SPAG16: variants seen among roughly 807,000 people sequenced by gnomAD.
SPAG16 encodes the protein sperm-associated antigen 16 protein.
A neutral mutation model predicts 80.4 loss-of-function variants in SPAG16; 86 were observed. The ratio of observed to expected loss-of-function variants is 1.07; its 90% CI spans 0.90 to 1.28. The LOEUF is 1.28. SPAG16 is among the 50% of genes most tolerant of loss of function. SPAG16 has a pLI of 0.00. For synonymous variants in SPAG16, 294 were observed against 265.9 expected (o/e 1.11, Z -1.03); for missense variants, 870 against 765.3 (o/e 1.14, Z -1.61).
chr2:213,856,732 G>A (rs986879054), intron 10 of SPAG16, among the ~76,000 whole-genome samples: 7 of 152,192 alleles, frequency 4.6e-5, no homozygotes, highest in Admixed American at 2.6e-4. Flanking sequence ...GTCATTGCTG[G>A]GATGCAGGGC....
At chr2:213,551,872 A>G (rs2076789809) in intron 10 of SPAG16, among the ~76,000 whole-genome samples, 1 of 152,182 alleles carries the variant, frequency 6.6e-6, no homozygotes, top group African/African-American at 2.4e-5. Flanking sequence ...CTGTCAGGTA[A>G]TAGATGAAGA....
chr2:214,192,310 T>A (rs907120483), intron 15 of SPAG16, among the ~76,000 whole-genome samples: 1 of 152,154 alleles, frequency 6.6e-6, no homozygotes, highest in Non-Finnish European at 1.5e-5. Context: ...GTTTCTTTTT[T>A]CCTGATGCCT....
rs181381782 is a variant in SPAG16 at position 213,344,432 on chromosome 2, G to A, written c.644+4162G>A. Among the ~76,000 whole-genome samples, 79 of 152,012 alleles carry A rather than the reference G, an allele frequency of 5.2e-4. No individual in the cohort carries two copies. In the East Asian group the frequency reaches 0.015, roughly 28 times the overall value. On this transcript the variant is annotated intron_variant, in intron 6 of 15. Coordinates refer to ENST00000331683, the MANE Select transcript of SPAG16 (RefSeq NM_024532.5). The stretch of plus-strand genomic sequence containing the variant: ...TTAGGGTACATGTGCACAGCGTGCA[G>A]GTTTGTTACATATGTATACATGTGC...
intron 10 of SPAG16, among the ~76,000 whole-genome samples, chr2:213,560,951 C>T (rs1235364150): frequency 6.6e-6 from 1 of 152,176 alleles, no homozygotes; most frequent in Non-Finnish European, 1.5e-5. Flanking sequence ...GCAACCTCTG[C>T]ATTCCAGGTT....
intron 15 of SPAG16, among the ~76,000 whole-genome samples, chr2:214,346,788 A>G (rs994887260): frequency 6.6e-6 from 1 of 152,180 alleles, no homozygotes; most frequent in Non-Finnish European, 1.5e-5. Context: ...CCAACAAAGC[A>G]TCAGACATGT....
intron 12 of SPAG16, among the ~76,000 whole-genome samples, chr2:214,002,235 A>G (rs2046825940): frequency 6.6e-6 from 1 of 152,164 alleles, no homozygotes; most frequent in African/African-American, 2.4e-5. Flanking sequence ...GTATTAATAA[A>G]GAAATAGTTT....
At chr2:214,384,116 G>GT (rs1700616411) in intron 15 of SPAG16, among the ~76,000 whole-genome samples, 1 of 152,096 alleles carries the variant, frequency 6.6e-6, no homozygotes, top group Admixed American at 6.5e-5. Flanking sequence ...AACCAAATCT[G>GT]TTTTTTAATG....
chr2:214,320,152 T>C (rs1381252488), intron 15 of SPAG16, among the ~76,000 whole-genome samples: 1 of 152,222 alleles, frequency 6.6e-6, no homozygotes, highest in Non-Finnish European at 1.5e-5. Flanking sequence ...AATTCTTCTA[T>C]CTAGCCACAG....
At chr2:214,131,475 A>C (rs557665505) in intron 14 of SPAG16, among the ~76,000 whole-genome samples, 161 of 152,290 alleles carry the variant, frequency 1.1e-3, no homozygotes, top group Middle Eastern at 3.4e-3. Context: ...ACTAAAAGTC[A>C]GTGGAGAAAA....
rs551020553 is a variant in SPAG16 at position 214,159,286 on chromosome 2, A to C, written c.1720+10020A>C. Reference sequence around the variant, plus strand: ...GGAGCAGTTATTACATTTAAGAGGAATGTGTTATTTAGATCTAATAGCATA... The same window carrying C: ...GGAGCAGTTATTACATTTAAGAGGACTGTGTTATTTAGATCTAATAGCATA... On this transcript the variant is annotated intron_variant, in intron 15 of 15. Transcript: ENST00000331683. Among the ~76,000 whole-genome samples, 3 of 152,086 alleles carry C rather than the reference A, an allele frequency of 2.0e-5. No individual in the cohort carries two copies. The East Asian group carries it at 5.8e-4, about 29-fold the overall frequency.
At chr2:213,589,108 C>T (rs1433534423) in intron 10 of SPAG16, among the ~76,000 whole-genome samples, 1 of 152,044 alleles carries the variant, frequency 6.6e-6, no homozygotes, top group African/African-American at 2.4e-5. Flanking sequence ...TTACATTTTA[C>T]AATACTCTCT....
At chr2:213,647,764 AC>A (rs987007221) in intron 10 of SPAG16, among the ~76,000 whole-genome samples, 1 of 152,108 alleles carries the variant, frequency 6.6e-6, no homozygotes, top group African/African-American at 2.4e-5. Flanking sequence ...CCTAATCTAA[AC>A]CATGGACCCT....
chr2:214,092,749 A>T (rs958086684), intron 13 of SPAG16, among the ~76,000 whole-genome samples: 1 of 151,958 alleles, frequency 6.6e-6, no homozygotes, highest in Admixed American at 6.6e-5. Context: ...TGAAATTGCA[A>T]TTTCCATTTC....
At chr2:214,362,438 G>A (rs1017459435) in intron 15 of SPAG16, among the ~76,000 whole-genome samples, 1 of 151,884 alleles carries the variant, frequency 6.6e-6, no homozygotes, top group Non-Finnish European at 1.5e-5. Context: ...GAAAGATAAT[G>A]AACGTATATC....
chr2:213,755,430 A>G (rs1345742004), intron 10 of SPAG16, among the ~76,000 whole-genome samples: 1 of 152,230 alleles, frequency 6.6e-6, no homozygotes, highest in African/African-American at 2.4e-5. Context: ...CCTGGTAGAG[A>G]CATCATTTCT....
At chr2:213,404,320 A>G (rs1034474572) in intron 9 of SPAG16, among the ~76,000 whole-genome samples, 1 of 152,230 alleles carries the variant, frequency 6.6e-6, no homozygotes, top group Non-Finnish European at 1.5e-5. Context: ...CTACAAGCCT[A>G]CAGTAACCAA....
chr2:213,346,441 G>C (rs1366218194), intron 6 of SPAG16, among the ~76,000 whole-genome samples: 1 of 152,184 alleles, frequency 6.6e-6, no homozygotes, highest in Admixed American at 6.5e-5. Flanking sequence ...GATGAGGCAG[G>C]ACATCCCTGT....
intron 15 of SPAG16, among the ~76,000 whole-genome samples, chr2:214,175,217 ATG>A (rs55915116): frequency 0.3 from 42,797 of 142,762 alleles, 8,008 homozygotes; most frequent in Non-Finnish European, 0.42. Flanking sequence ...ATATAAAGAA[ATG>A]TGTGTATATA....
chr2:213,563,054 G>A (rs568057273), intron 10 of SPAG16, among the ~76,000 whole-genome samples: 1 of 152,326 alleles, frequency 6.6e-6, no homozygotes, highest in African/African-American at 2.4e-5. Context: ...AACCATAGCA[G>A]TGACCTTCTG....
Sources: allele counts gnomAD v4.1 joint callset (sites outside exome capture counted in the v4.1 genomes callset), GRCh38; gene constraint gnomAD v4.1.1; transcripts MANE v1.5; gene names NCBI Gene and HGNC (gene_info 2026-07-23, HGNC 2026-07-21).